PCBP3: variants seen among roughly 807,000 people sequenced by gnomAD.
PCBP3 encodes poly(rC) binding protein 3.
PCBP3 carries 25 observed loss-of-function variants against 52.7 expected under a neutral mutation model. The observed-to-expected ratio is 0.47, with a 90% CI of 0.35 to 0.66. The LOEUF (loss-of-function observed/expected upper bound fraction) is 0.66. PCBP3 is among the 30% of genes least tolerant of loss of function. The pLI, the probability that PCBP3 is intolerant of heterozygous loss-of-function variation, is 0.01. For missense variants in PCBP3, 391 were observed against 490.3 expected (o/e 0.80, Z 1.91); for synonymous variants, 162 against 183.0 (o/e 0.89, Z 0.93).
At chr21:45,801,200 G>A (rs887425103) in intron 4 of PCBP3, among the ~76,000 whole-genome samples, 1 of 152,200 alleles carries the variant, frequency 6.6e-6, no homozygotes, top group Non-Finnish European at 1.5e-5. Context: ...GTGTGGATGG[G>A]GGTGTCATGA....
intron 4 of PCBP3, among the ~76,000 whole-genome samples, chr21:45,779,326 A>G (rs1422734900): frequency 6.6e-6 from 1 of 151,966 alleles, no homozygotes; most frequent in Non-Finnish European, 1.5e-5. Flanking sequence ...GAATTGCATG[A>G]TTTCTTGGTG....
chr21:45,669,821 A>G lies in PCBP3; in HGVS notation c.-200+869A>G, dbSNP rs868775399. Among the ~76,000 whole-genome samples the G allele has an allele frequency of 6.1e-4, 77 of 126,016 alleles. 1 individual carries two copies. Among genetic ancestry groups the G allele is most frequent in the African/African-American group, 9.4e-4 (33 of 35,206 alleles). 82.7% of individuals were successfully genotyped at this position (126,016 alleles called of 152,430 possible). A position where few individuals can be genotyped will look rare whatever the true frequency, so the allele number is the denominator to read the frequency against. The stretch of plus-strand genomic sequence containing the variant: ...TGTGTGTGTGTATATATATATATAT[A>G]TATATATATATATATATATATATAT... On this transcript the variant is annotated intron_variant, in intron 2 of 17. Transcript: ENST00000681687.
intron 1 of PCBP3, among the ~76,000 whole-genome samples, chr21:45,665,604 G>A (rs550063396): frequency 6.6e-6 from 1 of 152,240 alleles, no homozygotes; most frequent in Non-Finnish European, 1.5e-5. Context: ...CCAATAACAA[G>A]TAGCGAGATT....
intron 5 of PCBP3, among the ~76,000 whole-genome samples, chr21:45,885,876 A>G (rs981307928): frequency 2.0e-5 from 3 of 152,232 alleles, no homozygotes; most frequent in Non-Finnish European, 4.4e-5. Flanking sequence ...TGGGGCTGAC[A>G]CTGTCTTTCA....
chr21:45,742,491 A>C (rs1420044581), intron 3 of PCBP3, among the ~76,000 whole-genome samples: 1 of 152,028 alleles, frequency 6.6e-6, no homozygotes, highest in Admixed American at 6.5e-5. Flanking sequence ...TGTGGGAGGA[A>C]TTTTCCCCAG....
At chr21:45,900,490 G>A (rs1176269464) in intron 7 of PCBP3, 101 bp from the exon 8 acceptor site, 4 of 853,080 alleles carry the variant, frequency 4.7e-6, no homozygotes, top group Non-Finnish European at 8.0e-6. Context: ...AGGCTCTGCT[G>A]TGTGGGCGTA....
chr21:45,778,847 G>A (rs1280427537), intron 4 of PCBP3, among the ~76,000 whole-genome samples: 1 of 152,144 alleles, frequency 6.6e-6, no homozygotes, highest in African/African-American at 2.4e-5. Flanking sequence ...TCGATCCTCA[G>A]GCCCCAGGTG....
At chr21:45,667,344 T>A (rs886472723) in intron 1 of PCBP3, among the ~76,000 whole-genome samples, 3 of 152,064 alleles carry the variant, frequency 2.0e-5, no homozygotes, top group Non-Finnish European at 4.4e-5. Flanking sequence ...CACAGGGCTC[T>A]GAGTTTCAGC....
In PCBP3 at chr21:45,917,323, G is replaced by T; in HGVS notation, c.676-265G>T. ...CTTTTGCTTTAAGAAACTTGGAGTC[G>T]GAAGCATCAAGGCTGAACTGTTTCC... On this transcript the variant is annotated intron_variant, in intron 12 of 17. Transcript: ENST00000681687. This position sits in a 1 kb window ranked among gnomAD's most constrained non-coding sequence, Gnocchi z 5.3. 1 of 381,326 alleles carries T rather than the reference G, an allele frequency of 2.6e-6. No individual in the cohort carries two copies. Among genetic ancestry groups the T allele is most frequent in the Non-Finnish European group, 4.7e-6 (1 of 210,740 alleles). The allele number at this position is 381,326 out of a possible 1,614,324, so 23.6% of individuals were successfully genotyped here.
chr21:45,795,912 C>CT (rs1362825548), intron 4 of PCBP3, among the ~76,000 whole-genome samples: 2 of 152,206 alleles, frequency 1.3e-5, no homozygotes, highest in Middle Eastern at 3.2e-3. Context: ...TGTTAACACT[C>CT]TAAGAGACTG....
At chr21:45,793,152 C>T (rs77940218) in intron 4 of PCBP3, among the ~76,000 whole-genome samples, 4,665 of 152,208 alleles carry the variant, frequency 0.031, 73 homozygotes, top group Non-Finnish European at 0.038. Flanking sequence ...GGCCGCCTTC[C>T]GGACGGAGAC....
At chr21:45,646,943 A>G (rs1279591457) in intron 1 of PCBP3, among the ~76,000 whole-genome samples, 1 of 152,184 alleles carries the variant, frequency 6.6e-6, no homozygotes, top group East Asian at 1.9e-4. Context: ...TGTTAGAGCT[A>G]TATCTACTCT....
At chr21:45,671,340 G>A (rs1348952494) in intron 2 of PCBP3, among the ~76,000 whole-genome samples, 1 of 152,190 alleles carries the variant, frequency 6.6e-6, no homozygotes, top group African/African-American at 2.4e-5. Context: ...GCATTGTGTG[G>A]TCTTTATCAA....
At chr21:45,921,400 GA>G (rs2074412380) in intron 13 of PCBP3, among the ~76,000 whole-genome samples, 1 of 152,172 alleles carries the variant, frequency 6.6e-6, no homozygotes, top group African/African-American at 2.4e-5. Flanking sequence ...TCAAGCATAA[GA>G]AAATACATTC....
intron 4 of PCBP3, among the ~76,000 whole-genome samples, chr21:45,835,204 G>T (rs1344677512): frequency 6.6e-6 from 1 of 152,148 alleles, no homozygotes; most frequent in African/African-American, 2.4e-5. Context: ...TCTGCCCTGG[G>T]CCCCGGGGGC....
intron 2 of PCBP3, among the ~76,000 whole-genome samples, chr21:45,691,871 G>C (rs146358609): frequency 6.5e-4 from 99 of 152,264 alleles, no homozygotes; most frequent in Non-Finnish European, 1.2e-3. Context: ...CACAAGGCTT[G>C]TTCTGTCCAC....
chr21:45,858,334 A>AG (rs1202224880), intron 5 of PCBP3: 14 of 152,218 alleles, frequency 9.2e-5, no homozygotes, highest in Non-Finnish European at 1.0e-4. Context: ...ATTTCCCATA[A>AG]GGTGAAGTAA....
intron 13 of PCBP3, among the ~76,000 whole-genome samples, chr21:45,922,360 G>C (rs417972): frequency 0.7 from 105,827 of 152,004 alleles, 38,322 homozygotes; most frequent in African/African-American, 0.89. Flanking sequence ...TGGAGACCAG[G>C]TTGGACAAAA....
At position 45,770,313 on chromosome 21, in the gene PCBP3, A is replaced by G. The variant is rs1239933060; in HGVS notation, c.-126+14861A>G. On this transcript the variant is annotated intron_variant, in intron 4 of 17. Coordinates refer to ENST00000681687, the MANE Select transcript of PCBP3 (RefSeq NM_001384156.1). ...TGAAGCCAAATATAATTTTTTATTC[A>G]TATTTCCTTTTCTTTTTAGACTATC... 2.6e-5 allele frequency among the ~76,000 whole-genome samples: 4 copies of G among 152,144 alleles called. 1 individual carries two copies. The highest frequency in any genetic ancestry group is 6.5e-5 in the Admixed American group (1 of 15,274).
Sources: gnomAD v4.1 joint callset for allele counts (sites outside exome capture counted in the v4.1 genomes callset) on GRCh38, gnomAD v4.1.1 for gene constraint, Gnocchi (gnomAD v3.1) non-coding constraint, MANE v1.5 for transcripts, NCBI Gene and HGNC (gene_info 2026-07-23, HGNC 2026-07-21) for gene names.